Variants in VDAC1 observed in about 807,000 individuals in gnomAD.
VDAC1 encodes non-selective voltage-gated ion channel VDAC1.
VDAC1 carries 10 observed loss-of-function variants against 34.7 expected under a neutral mutation model. That is an observed-to-expected ratio of 0.29 (90% CI 0.18 to 0.49). The LOEUF is 0.49. Ranked by LOEUF, VDAC1 falls within the 20% of genes least tolerant of loss-of-function variation. The probability of loss-of-function intolerance (pLI) is 0.99; values close to 1 mark genes in which losing one functional copy is unlikely to be tolerated. For missense variants in VDAC1, 230 were observed against 347.9 expected, an observed-to-expected ratio of 0.66 and a Z score of 2.69; for synonymous variants, 130 against 136.0, an observed-to-expected ratio of 0.96 and a Z score of 0.30.
the VDAC1 span, among the ~76,000 whole-genome samples, chr5:134,063,884 G>A: frequency 6.6e-6 from 1 of 151,956 alleles, no homozygotes; most frequent in South Asian, 2.1e-4. Flanking sequence ...CCAGACTGAA[G>A]TGCAGTAGCA....
At chr5:134,113,423 T>TG in the VDAC1 span, among the ~76,000 whole-genome samples, 1 of 152,234 alleles carries the variant, frequency 6.6e-6, no homozygotes, top group South Asian at 2.1e-4. Context: ...CCAGCCACGC[T>TG]GGGCCTGGAC....
chr5:133,972,959 T>C (rs760931631), intron 8 of VDAC1, 97 bp from the exon 9 acceptor site: 108 of 1,037,482 alleles, frequency 1.0e-4, no homozygotes, highest in Middle Eastern at 2.0e-4. Context: ...TTCCAGGTAT[T>C]ATCAGCAGGG....
chr5:134,003,682 G>A (rs992831641), intron 1 of VDAC1, among the ~76,000 whole-genome samples: 1 of 152,186 alleles, frequency 6.6e-6, no homozygotes, highest in East Asian at 1.9e-4. Context: ...AGGGTGTCAG[G>A]GTTTCTACTT....
At chr5:134,067,079 TTC>T in the VDAC1 span, among the ~76,000 whole-genome samples, 1 of 151,668 alleles carries the variant, frequency 6.6e-6, no homozygotes, top group Non-Finnish European at 1.5e-5. Flanking sequence ...TGATCAAAAG[TTC>T]TTTTTTTTTT....
the VDAC1 span, among the ~76,000 whole-genome samples, chr5:134,070,738 G>T: frequency 6.6e-6 from 1 of 152,190 alleles, no homozygotes; most frequent in East Asian, 1.9e-4. Flanking sequence ...CTGTCTGGCC[G>T]GTGGTAAACT....
the VDAC1 span, among the ~76,000 whole-genome samples, chr5:134,016,491 C>T: frequency 6.6e-6 from 1 of 152,158 alleles, no homozygotes; most frequent in African/African-American, 2.4e-5. Flanking sequence ...AACCCCTTCT[C>T]CATACCCCAC....
the VDAC1 span, among the ~76,000 whole-genome samples, chr5:134,028,376 G>A: frequency 3.9e-5 from 6 of 152,106 alleles, no homozygotes; most frequent in East Asian, 1.9e-4. Flanking sequence ...CAGGTGATTC[G>A]CCTGCCTTGG....
At chr5:134,068,376 C>G in the VDAC1 span, among the ~76,000 whole-genome samples, 1 of 147,864 alleles carries the variant, frequency 6.8e-6, no homozygotes, top group African/African-American at 2.5e-5. Context: ...GCAATTTTTT[C>G]AATGAGGGGA....
At chr5:134,086,429 G>C in the VDAC1 span, among the ~76,000 whole-genome samples, 1 of 152,114 alleles carries the variant, frequency 6.6e-6, no homozygotes. Context: ...CTGGAACCTG[G>C]GAGGCCTCCC....
rs1752797577 is a variant in VDAC1, at chr5:133,983,844, T to A, written c.324-2888A>T. Reference sequence around the variant, plus strand: ...CCTCCCAATAATGAGTTATGAGATCTGGTTGTTTGCGTGTGGCACCTCCCC... The same window carrying A: ...CCTCCCAATAATGAGTTATGAGATCAGGTTGTTTGCGTGTGGCACCTCCCC... On this transcript the variant is annotated intron_variant, in intron 5 of 8. Transcript: ENST00000265333. 3.3e-5 allele frequency among the ~76,000 whole-genome samples: 5 copies of A among 151,686 alleles called. No homozygotes were observed. In the South Asian group the frequency reaches 1.0e-3, roughly 32 times the overall value.
At chr5:134,039,107 A>G in the VDAC1 span, among the ~76,000 whole-genome samples, 3 of 152,268 alleles carry the variant, frequency 2.0e-5, no homozygotes, top group South Asian at 2.1e-4. Flanking sequence ...AGTGAAACCA[A>G]TTCTCCAGAA....
the VDAC1 span, among the ~76,000 whole-genome samples, chr5:134,111,782 G>C: frequency 6.6e-6 from 1 of 152,160 alleles, no homozygotes; most frequent in African/African-American, 2.4e-5. Flanking sequence ...TTTTATAATG[G>C]AACACTAGAG....
the VDAC1 span, among the ~76,000 whole-genome samples, chr5:134,016,633 G>A: frequency 6.6e-5 from 10 of 152,088 alleles, no homozygotes; most frequent in Non-Finnish European, 1.2e-4. Context: ...CTCTGCTAAC[G>A]GGCACCACTT....
chr5:134,075,183 C>G, the VDAC1 span, among the ~76,000 whole-genome samples: 2,260 of 152,308 alleles, frequency 0.015, 28 homozygotes, highest in Non-Finnish European at 0.022. Context: ...TATTTATATA[C>G]CATTTGCACA....
chr5:134,089,766 G>T, the VDAC1 span, among the ~76,000 whole-genome samples: 1 of 152,148 alleles, frequency 6.6e-6, no homozygotes, highest in African/African-American at 2.4e-5. Flanking sequence ...AAGGCGGGTG[G>T]ATCACTTGAG....
intron 2 of VDAC1, 74 bp from the exon 3 acceptor site, chr5:133,992,429 C>A: frequency 2.5e-6 from 3 of 1,195,218 alleles, no homozygotes; most frequent in South Asian, 3.9e-5. Context: ...CTCATGGTTG[C>A]TTCAGGATGC....
the VDAC1 span, chr5:134,081,774 CA>C: frequency 6.6e-6 from 1 of 152,410 alleles, no homozygotes. Flanking sequence ...TCCTCTAAGG[CA>C]AAAACACAGG....
rs879339231 is a variant in VDAC1 at position 133,991,744 on chromosome 5, T to TA, written c.117+561dup. Among the ~76,000 whole-genome samples the TA allele has an allele frequency of 1.1e-3, 148 of 140,896 alleles. No individual in the cohort carries two copies. The East Asian group carries it at 0.019, about 18-fold the overall frequency. The allele number at this position is 140,896 out of a possible 152,430, so 92.4% of individuals were successfully genotyped here. ...GTGAAAACCACAAAAACTGCCAGAA[T>TA]AAAAAAAAAAAAGTACCTTCTTTTG... On this transcript the variant is annotated intron_variant, in intron 3 of 8. Transcript: ENST00000265333.
chr5:134,078,797 C>G, the VDAC1 span, among the ~76,000 whole-genome samples: 1 of 151,194 alleles, frequency 6.6e-6, no homozygotes. Context: ...ATTACAGGTG[C>G]CCACCACCAC....
Sources: gnomAD v4.1 joint callset for allele counts (sites outside exome capture counted in the v4.1 genomes callset) on GRCh38, gnomAD v4.1.1 for gene constraint, MANE v1.5 for transcripts, NCBI Gene and HGNC (gene_info 2026-07-23, HGNC 2026-07-21) for gene names.